The following TDRD1 variants were observed in gnomAD, a reference collection of about 807,000 sequenced individuals.
The protein encoded by TDRD1 is tudor domain containing 1.
TDRD1 carries 37 observed loss-of-function variants against 140.6 expected under a neutral mutation model. That is an observed-to-expected ratio of 0.26 (90% CI 0.20 to 0.35). The LOEUF is 0.35. Among genes scored for constraint, TDRD1 ranks in the 10% least tolerant of loss-of-function variants. The probability of loss-of-function intolerance (pLI) is 1.00; values close to 1 mark genes in which losing one functional copy is unlikely to be tolerated. For synonymous variants in TDRD1, 506 were observed against 475.7 expected, an observed-to-expected ratio of 1.06 and a Z score of -0.83; for missense variants, 1,243 against 1,393.0, an observed-to-expected ratio of 0.89 and a Z score of 1.71.
intron 14 of TDRD1, 74 bp from the exon 15 acceptor site, chr10:114,213,272 T>C (rs1485291091): frequency 7.0e-7 from 1 of 1,426,480 alleles, no homozygotes; most frequent in Non-Finnish European, 9.5e-7. Context: ...TAAGTTTACC[T>C]TGGGGGAAAT....
chr10:114,217,488 C>A, intron 16 of TDRD1, 57 bp from the exon 17 acceptor site: 3 of 956,774 alleles, frequency 3.1e-6, no homozygotes, highest in South Asian at 1.6e-5. Context: ...AAAGGAAAAT[C>A]TGTGTTGTTT....
intron 23 of TDRD1, among the ~76,000 whole-genome samples, 182 bp from the exon 24 acceptor site, chr10:114,227,728 G>T (rs1338324590): frequency 2.0e-5 from 3 of 152,216 alleles, no homozygotes; most frequent in Non-Finnish European, 4.4e-5. Context: ...GACATGGGTT[G>T]TTAATGTGGT....
intron 10 of TDRD1, among the ~76,000 whole-genome samples, chr10:114,205,761 A>C (rs2133006205): frequency 6.6e-6 from 1 of 152,342 alleles, no homozygotes; most frequent in South Asian, 2.1e-4. Flanking sequence ...TAATGGGTAC[A>C]AAACAAAAAA....
chr10:114,224,693 A>G (rs894266432), intron 21 of TDRD1, among the ~76,000 whole-genome samples: 4 of 150,954 alleles, frequency 2.6e-5, no homozygotes, highest in Non-Finnish European at 5.9e-5. Flanking sequence ...TTTGTTTTTC[A>G]TGTTTATGTG....
In TDRD1 at chr10:114,213,330, CAAAAT is replaced by C; in HGVS notation, c.1832-15_1832-11del. On this transcript the variant is annotated splice_polypyrimidine_tract_variant and intron_variant, in intron 14 of 25. Transcript: ENST00000251864. ...TTTCAGAATAATTGTAACATTCATT[CAAAAT>C]TCTTTGTTAGGAGTAAAGCCATCAT... 1.3e-6 allele frequency: 2 copies of C among 1,596,488 alleles called. No homozygotes were observed. The highest frequency in any genetic ancestry group is 1.7e-6 in the Non-Finnish European group (2 of 1,170,002).
At chr10:114,207,789 T>C (rs2035223225) in intron 11 of TDRD1, among the ~76,000 whole-genome samples, 1 of 151,894 alleles carries the variant, frequency 6.6e-6, no homozygotes, top group East Asian at 1.9e-4. Flanking sequence ...ATCAGTAATA[T>C]CAGATGCTAT....
chr10:114,180,665 A>G (rs1347878858), intron 1 of TDRD1, among the ~76,000 whole-genome samples: 1 of 152,100 alleles, frequency 6.6e-6, no homozygotes, highest in Non-Finnish European at 1.5e-5. Context: ...GGGTTTCACC[A>G]TGTTGGCCAG....
intron 16 of TDRD1, among the ~76,000 whole-genome samples, chr10:114,215,369 T>C (rs2133101500): frequency 6.6e-6 from 1 of 152,318 alleles, no homozygotes; most frequent in East Asian, 1.9e-4. Flanking sequence ...TTACAGCATA[T>C]CTGGTGCACA....
At chr10:114,222,166 A>T (rs2036182795) in intron 20 of TDRD1, among the ~76,000 whole-genome samples, 1 of 152,222 alleles carries the variant, frequency 6.6e-6, no homozygotes, top group South Asian at 2.1e-4. Flanking sequence ...GTGTACTAAA[A>T]AGCAGGAGCT....
chr10:114,226,727 A>G (rs1402082182), intron 22 of TDRD1, among the ~76,000 whole-genome samples: 1 of 152,234 alleles, frequency 6.6e-6, no homozygotes, highest in South Asian at 2.1e-4. Flanking sequence ...TGATGTCCTT[A>G]TGCAGAGGAC....
chr10:114,231,276 A>T (rs548373395), intron 25 of TDRD1, among the ~76,000 whole-genome samples: 104 of 152,308 alleles, frequency 6.8e-4, no homozygotes, highest in African/African-American at 2.4e-3. Context: ...ACTATATGTT[A>T]TATTTGTGAA....
rs1183741047 is a variant in TDRD1, at chr10:114,206,239, T to A, written c.1298-5T>A. 6 of 1,610,832 alleles carry A rather than the reference T, an allele frequency of 3.7e-6. No individual in the cohort carries two copies. Among genetic ancestry groups the A allele is most frequent in the Non-Finnish European group, 5.1e-6 (6 of 1,178,112 alleles). On this transcript the variant is annotated splice_region_variant and splice_polypyrimidine_tract_variant and intron_variant, in intron 10 of 25. Coordinates refer to ENST00000251864, the Ensembl canonical transcript of TDRD1. ...TGGAGGCATATTTTCTTAATCACTT[T>A]TTAGGAAAACTTTTAGACCATGTGC...
chr10:114,220,750 C>A, exon 19 of TDRD1: 1 of 1,612,448 alleles, frequency 6.2e-7, no homozygotes, highest in Non-Finnish European at 8.5e-7. Flanking sequence ...TGATGAACAT[C>A]TGGTTTTAAA....
chr10:114,188,293 T>C, intron 2 of TDRD1, 137 bp downstream of exon 2: 1 of 771,356 alleles, frequency 1.3e-6, no homozygotes. Flanking sequence ...CATTTCATTA[T>C]TAATTTAGAA....
chr10:114,211,954 A>C (rs747413150), exon 14 of TDRD1: 2 of 1,612,578 alleles, frequency 1.2e-6, no homozygotes, highest in Admixed American at 1.7e-5. Context: ...GAAACTTTGA[A>C]ATCCTTAGTT....
At chr10:114,204,499 A>G (rs2034973515) in intron 9 of TDRD1, among the ~76,000 whole-genome samples, 1 of 152,178 alleles carries the variant, frequency 6.6e-6, no homozygotes, top group East Asian at 1.9e-4. Context: ...AAGGATAATT[A>G]TTCTTTCATA....
chr10:114,229,633 C>T (rs1357846536), intron 25 of TDRD1, among the ~76,000 whole-genome samples: 4 of 148,014 alleles, frequency 2.7e-5, no homozygotes, highest in African/African-American at 1.0e-4. Flanking sequence ...ACTGCAAGCT[C>T]CACCTCCCAG....
exon 9 of TDRD1, chr10:114,204,134 A>T: frequency 6.2e-7 from 1 of 1,604,160 alleles, no homozygotes; most frequent in Non-Finnish European, 8.5e-7. Context: ...CATGTCTTAT[A>T]TATTGATTAT....
intron 4 of TDRD1, among the ~76,000 whole-genome samples, chr10:114,199,969 G>A (rs2034621667): frequency 6.6e-6 from 1 of 152,186 alleles, no homozygotes; most frequent in Non-Finnish European, 1.5e-5. Flanking sequence ...GGGTGCACAG[G>A]TAGACACACA....
Sources: allele counts gnomAD v4.1 joint callset (sites outside exome capture counted in the v4.1 genomes callset), GRCh38; gene constraint gnomAD v4.1.1; transcripts MANE v1.5; gene names NCBI Gene and HGNC (gene_info 2026-07-23, HGNC 2026-07-21).